The following INTS11 variants were observed in gnomAD, a reference collection of about 807,000 sequenced individuals.
The protein encoded by INTS11 is integrator complex subunit 11.
A neutral mutation model predicts 78.6 loss-of-function variants in INTS11; 77 were observed. That is an observed-to-expected ratio of 0.98 (90% CI 0.81 to 1.18). INTS11 has a LOEUF of 1.18. Among genes scored for constraint, INTS11 ranks in the 50% most tolerant of loss-of-function variants. The pLI, the probability that INTS11 is intolerant of heterozygous loss-of-function variation, is 0.00. For synonymous variants in INTS11, 441 were observed against 326.9 expected (o/e 1.35, Z -3.77); for missense variants, 875 against 825.9 (o/e 1.06, Z -0.73).
chr1:1,317,406 G>GAA, intron 4 of INTS11: 44 of 673,176 alleles, frequency 6.5e-5, no homozygotes, highest in Non-Finnish European at 7.6e-5. Flanking sequence ...AAAAAAAAAA[G>GAA]AAAAAAAAAA....
chr1:1,312,823 T>A lies in INTS11; in HGVS notation c.1258A>T (p.Met420Leu). The change falls in exon 12 of 17, where the codon ATG becomes TTG. Residue 420 changes from methionine to leucine, a missense_variant. By Grantham distance (15) the Met-to-Leu change is conservative. Coordinates refer to ENST00000435064, the MANE Select transcript of INTS11 (RefSeq NM_017871.6). ...VLLVHGEAKK[M>L]EFLKQKIEQE... is the part of the protein sequence containing the mutation. The stretch of plus-strand genomic sequence containing the variant: ...TCGATCTTCTGCTTCAGGAACTCCA[T>A]CTTCTTGGCCTCGCCATGCACCAGC... 1 of 1,611,258 alleles carries A rather than the reference T, an allele frequency of 6.2e-7. No individual in the cohort carries two copies. Among genetic ancestry groups the A allele is most frequent in the Non-Finnish European group, 8.5e-7 (1 of 1,179,476 alleles).
rs147446122 is a variant in INTS11 at position 1,313,908 on chromosome 1, G to T, written c.781C>A (p.Leu261Met). 2.5e-6 allele frequency: 4 copies of T among 1,612,472 alleles called. No individual in the cohort carries two copies. The highest frequency in any genetic ancestry group is 3.4e-6 in the Non-Finnish European group (4 of 1,179,520). Residue 261 changes from leucine to methionine, a missense_variant, in exon 9 of 17, where the codon CTG becomes ATG. Coordinates refer to ENST00000435064, the MANE Select transcript of INTS11 (RefSeq NM_017871.6). The stretch of plus-strand genomic sequence containing the variant: ...GTGGAGAAGTAGATGGGCACCTTCA[G>T]GTTCATGCGCTCCCTGGGGACCACC... ...LLETFWERMNLKVPIYFSTGL... is the reference protein window; with the variant it reads ...LLETFWERMNMKVPIYFSTGL...
In INTS11 at chr1:1,314,908, G is replaced by A. The variant is rs761287688; in HGVS notation, c.618C>T (p.Tyr206=). The A allele has an allele frequency of 2.1e-5, 34 of 1,612,970 alleles. No individual in the cohort carries two copies. Among genetic ancestry groups the A allele is most frequent in the South Asian group, 1.2e-4 (11 of 91,082 alleles). ...GCTTGGAGTCACGGATGGTCGTGGC[G>A]TACGTGGACTCTGTGATGAGCAGGT... ...RPNLLITEST[Y]ATTIRDSKRC... Residue 206 remains tyrosine (Y), a synonymous_variant, in exon 7 of 17, where the codon TAC becomes TAT. Coordinates refer to ENST00000435064, the MANE Select transcript of INTS11 (RefSeq NM_017871.6). This position sits in a 1 kb window ranked among gnomAD's most constrained non-coding sequence, Gnocchi z 4.2.
Position 1,314,805 on chromosome 1 carries a change from C to A in INTS11, c.702+19G>T. 1 of 1,605,126 alleles carries A rather than the reference C, an allele frequency of 6.2e-7. No individual in the cohort carries two copies. Among genetic ancestry groups the A allele is most frequent in the Non-Finnish European group, 8.5e-7 (1 of 1,173,902 alleles). ...CCAGCATGGCCGAGGGCCCATGTCC[C>A]CACCCCTGCTGCAGCTACCTTCCCA... On this transcript the variant is annotated intron_variant, in intron 7 of 16. Transcript: ENST00000435064. This position sits in a 1 kb window ranked among gnomAD's most constrained non-coding sequence, Gnocchi z 4.2.
In INTS11 at chr1:1,312,648, G is replaced by A. The variant is rs764332729; in HGVS notation, c.1347C>T (p.Ser449=). The A allele has an allele frequency of 1.3e-6, 2 of 1,593,702 alleles. No individual in the cohort carries two copies. The highest frequency in any genetic ancestry group is 1.7e-6 in the Non-Finnish European group (2 of 1,166,746). Residue 449 remains serine, a synonymous_variant, in exon 13 of 17, where the codon AGC becomes AGT. Transcript: ENST00000435064. ...ANGETVTLPT[S]PSIPVGISLG... ...GCGAGATGCCTACGGGGATGCTGGG[G>A]CTTGTGGGCAGCGTCACCGTCTCGC...
Position 1,313,719 on chromosome 1 carries a change from C to T in INTS11, c.957+13G>A, listed in dbSNP as rs758257266. 2.5e-6 allele frequency: 4 copies of T among 1,610,818 alleles called. No homozygotes were observed. Among genetic ancestry groups the T allele is most frequent in the African/African-American group, 1.3e-5 (1 of 74,918 alleles). On this transcript the variant is annotated intron_variant, in intron 9 of 16. Coordinates refer to ENST00000435064, the MANE Select transcript of INTS11 (RefSeq NM_017871.6). ...GGTGTGGATGTGCTGGCCGGCCCTGCCGCGGGCCTCACCATCGGTCCTGGG... is the reference window on the plus strand; with the variant it reads ...GGTGTGGATGTGCTGGCCGGCCCTGTCGCGGGCCTCACCATCGGTCCTGGG...
intron 1 of INTS11, chr1:1,322,846 C>T: frequency 9.0e-7 from 1 of 1,110,874 alleles, no homozygotes; most frequent in South Asian, 2.7e-5. Flanking sequence ...CGAGGCAGTC[C>T]CTGGTGCAGG....
At position 1,314,662 on chromosome 1, in the gene INTS11, G is replaced by C; in HGVS notation, c.702+162C>G. The stretch of plus-strand genomic sequence containing the variant: ...AGGGGCTCCCTAGGAAAGGGTCTCT[G>C]AGTTTTCCTCCTCAATGTTGAGCAA... On this transcript the variant is annotated intron_variant, in intron 7 of 16. Coordinates refer to ENST00000435064, the MANE Select transcript of INTS11 (RefSeq NM_017871.6). The surrounding 1 kb of genome is among the most constrained non-coding windows in gnomAD (Gnocchi z 4.2). The C allele has an allele frequency of 1.1e-6, 1 of 933,784 alleles. No individual in the cohort carries two copies. The highest frequency in any genetic ancestry group is 1.7e-5 in the South Asian group (1 of 58,766). 57.8% of individuals were successfully genotyped at this position (933,784 alleles called of 1,614,324 possible). A position where few individuals can be genotyped will look rare whatever the true frequency, so the allele number is the denominator to read the frequency against.
intron 4 of INTS11, chr1:1,316,012 CAGAGA>C (rs1465095612): frequency 3.7e-6 from 1 of 268,902 alleles, no homozygotes; most frequent in Middle Eastern, 1.3e-3. Context: ...GAATACATGA[CAGAGA>C]AAAGACAAGG....
intron 4 of INTS11, chr1:1,317,054 C>G (rs1300204457): frequency 6.6e-6 from 1 of 151,036 alleles, no homozygotes; most frequent in African/African-American, 2.4e-5. Context: ...TCCCAAATAG[C>G]TGGGACTATA....
chr1:1,321,897 A>AAACC, intron 1 of INTS11: 1 of 1,258,204 alleles, frequency 7.9e-7, no homozygotes, highest in South Asian at 2.0e-5. Context: ...TTCCCCTTGA[A>AAACC]TCCCACCCAC....
intron 4 of INTS11, chr1:1,318,962 C>T (rs1276543839): frequency 9.8e-6 from 7 of 717,330 alleles, no homozygotes; most frequent in African/African-American, 3.5e-5. Context: ...CCCGGGAGCT[C>T]CAGCGAGTCT....
At chr1:1,315,486 CA>C in intron 5 of INTS11, 33 bp downstream of exon 5, 1 of 1,612,942 alleles carries the variant, frequency 6.2e-7, no homozygotes, top group African/African-American at 1.3e-5. Flanking sequence ...CCCACCCCAG[CA>C]GCCCCTCCCA....
chr1:1,316,347 G>C (rs1332966079), intron 4 of INTS11: 1 of 152,578 alleles, frequency 6.6e-6, no homozygotes, highest in Non-Finnish European at 1.5e-5. Context: ...CCAGCACTTG[G>C]GGAGACCAAG....
At chr1:1,323,017 A>G in intron 1 of INTS11, 2 of 1,394,082 alleles carry the variant, frequency 1.4e-6, no homozygotes, top group South Asian at 3.3e-5. Flanking sequence ...GCCAAATGGG[A>G]AAGGGGCAGG....
intron 1 of INTS11, chr1:1,321,781 C>T: frequency 3.1e-6 from 2 of 651,704 alleles, no homozygotes; most frequent in Non-Finnish European, 4.6e-6. Context: ...CCTTGGCCAG[C>T]CAAGGCACAC....
chr1:1,314,206 G>A lies in INTS11; in HGVS notation c.767+95C>T. 5 of 1,210,506 alleles carry A rather than the reference G, an allele frequency of 4.1e-6. No individual in the cohort carries two copies. The highest frequency in any genetic ancestry group is 2.6e-5 in the South Asian group (2 of 76,636). The allele number at this position is 1,210,506 out of a possible 1,614,324, so 75.0% of individuals were successfully genotyped here. On this transcript the variant is annotated intron_variant, in intron 8 of 16. Transcript: ENST00000435064. The surrounding 1 kb of genome is among the most constrained non-coding windows in gnomAD (Gnocchi z 4.2). ...CCAGGACAGCAGCAAGCAGGGCCAA[G>A]ATGCCACCGCTACGCTGGACAGGGC...
chr1:1,311,645 C>T lies in INTS11; in HGVS notation c.*214G>A, dbSNP rs897606434. 7.1e-6 allele frequency: 5 copies of T among 708,016 alleles called. No individual in the cohort carries two copies. Among genetic ancestry groups the T allele is most frequent in the Non-Finnish European group, 1.0e-5 (4 of 393,034 alleles). The allele number at this position is 708,016 out of a possible 1,614,324, so 43.9% of individuals were successfully genotyped here. A position where few individuals can be genotyped will look rare whatever the true frequency, so the allele number is the denominator to read the frequency against. ...GGAAACTGCTGTCTAGGACCACCTG[C>T]CCTAACCAGGAATAAAGGCAAGACA... On this transcript the variant is annotated 3_prime_UTR_variant, in exon 17 of 17. Transcript: ENST00000435064.
At position 1,314,932 on chromosome 1, in the gene INTS11, G is replaced by A. The variant is rs752971027; in HGVS notation, c.594C>T (p.Asn198=). The part of the protein sequence containing the change: ...GAAWIDKCRP[N]LLITESTYAT... The stretch of plus-strand genomic sequence containing the variant: ...CGTACGTGGACTCTGTGATGAGCAG[G>A]TTGGGGCGGCACTTGTCAATCCAGG... The change falls in exon 7 of 17, where the codon AAC becomes AAT. Residue 198 remains asparagine (N), a synonymous_variant. Transcript: ENST00000435064. This position sits in a 1 kb window ranked among gnomAD's most constrained non-coding sequence, Gnocchi z 4.2. 2.5e-6 allele frequency: 4 copies of A among 1,612,920 alleles called. No individual in the cohort carries two copies. The highest frequency in any genetic ancestry group is 1.7e-5 in the Admixed American group (1 of 59,996).
Sources: allele counts gnomAD v4.1 joint callset, GRCh38; gene constraint gnomAD v4.1.1; non-coding constraint Gnocchi (gnomAD v3.1); transcripts MANE v1.5; gene names NCBI Gene and HGNC (gene_info 2026-07-23, HGNC 2026-07-21).